The following LRRTM4 variants were observed in gnomAD, a reference collection of about 807,000 sequenced individuals.
The protein encoded by LRRTM4 is leucine rich repeat transmembrane neuronal 4, also known as leucine-rich repeat transmembrane neuronal protein 4.
LRRTM4 carries 25 observed loss-of-function variants against 47.6 expected under a neutral mutation model. The ratio of observed to expected loss-of-function variants is 0.53; its 90% CI spans 0.38 to 0.73. The LOEUF (loss-of-function observed/expected upper bound fraction) is 0.73. Among genes scored for constraint, LRRTM4 ranks in the 30% least tolerant of loss-of-function variants. LRRTM4 has a pLI of 0.00. For missense variants in LRRTM4, 638 were observed against 713.4 expected, an observed-to-expected ratio of 0.89 and a Z score of 1.20; for synonymous variants, 311 against 269.5, an observed-to-expected ratio of 1.15 and a Z score of -1.51.
intron 3 of LRRTM4, among the ~76,000 whole-genome samples, chr2:77,061,320 G>T (rs1407388839): frequency 2.0e-5 from 3 of 151,946 alleles, no homozygotes; most frequent in African/African-American, 7.3e-5. Context: ...TTAAGTCTAG[G>T]GTTTTAAGGC....
intron 3 of LRRTM4, among the ~76,000 whole-genome samples, chr2:76,780,042 C>A (rs1462681917): frequency 3.9e-5 from 6 of 152,246 alleles, no homozygotes; most frequent in Non-Finnish European, 8.8e-5. Flanking sequence ...GCTGGATATG[C>A]AATTCTGGGT....
chr2:76,923,031 C>T (rs1674480611), intron 3 of LRRTM4, among the ~76,000 whole-genome samples: 1 of 152,028 alleles, frequency 6.6e-6, no homozygotes, highest in Admixed American at 6.6e-5. Flanking sequence ...ATGTACTAAG[C>T]ATTATGTCTT....
At chr2:77,275,384 C>T (rs1037143442) in intron 3 of LRRTM4, among the ~76,000 whole-genome samples, 3 of 151,984 alleles carry the variant, frequency 2.0e-5, no homozygotes, top group African/African-American at 7.2e-5. Context: ...TAAATACTTA[C>T]TGAATTATTT....
intron 3 of LRRTM4, among the ~76,000 whole-genome samples, chr2:76,988,172 C>T (rs1471378889): frequency 2.6e-5 from 4 of 151,740 alleles, no homozygotes; most frequent in Non-Finnish European, 4.4e-5. Flanking sequence ...TGCAGCCAAC[C>T]TAATTTCTCC....
chr2:77,202,369 A>G (rs764257406), intron 3 of LRRTM4, among the ~76,000 whole-genome samples: 2 of 152,136 alleles, frequency 1.3e-5, no homozygotes, highest in Non-Finnish European at 2.9e-5. Flanking sequence ...CCAAGTCTGA[A>G]AAAACTCCTA....
chr2:77,374,108 A>C (rs1672745536), intron 3 of LRRTM4, among the ~76,000 whole-genome samples: 1 of 151,772 alleles, frequency 6.6e-6, no homozygotes, highest in African/African-American at 2.4e-5. Flanking sequence ...CTGCTGCATA[A>C]AAATAAAAAA....
intron 3 of LRRTM4, among the ~76,000 whole-genome samples, chr2:76,756,278 T>C (rs1318611725): frequency 6.6e-6 from 1 of 152,186 alleles, no homozygotes; most frequent in Non-Finnish European, 1.5e-5. Flanking sequence ...AATCCATCTA[T>C]GACCTGTAAG....
chr2:76,754,377 A>T (rs893015243), intron 3 of LRRTM4, among the ~76,000 whole-genome samples: 4 of 152,140 alleles, frequency 2.6e-5, no homozygotes, highest in Admixed American at 1.3e-4. Flanking sequence ...TTTAACTTAG[A>T]CAAAAGGGAA....
At chr2:77,017,630 G>T (rs1283461850) in intron 3 of LRRTM4, among the ~76,000 whole-genome samples, 1 of 152,068 alleles carries the variant, frequency 6.6e-6, no homozygotes, top group African/African-American at 2.4e-5. Flanking sequence ...TAGACATGGA[G>T]TACTTAAACC....
At chr2:77,128,065 C>A (rs1671696040) in intron 3 of LRRTM4, among the ~76,000 whole-genome samples, 1 of 151,954 alleles carries the variant, frequency 6.6e-6, no homozygotes. Context: ...ATTGCTTGAA[C>A]CCAGGAGGCA....
chr2:77,399,910 G>T (rs1339042645), intron 3 of LRRTM4, among the ~76,000 whole-genome samples: 2 of 151,894 alleles, frequency 1.3e-5, no homozygotes, highest in Non-Finnish European at 2.9e-5. Flanking sequence ...AGACCATGAA[G>T]TCAGACATCT....
At chr2:77,440,123 C>G (rs1032837972) in intron 3 of LRRTM4, among the ~76,000 whole-genome samples, 1 of 151,826 alleles carries the variant, frequency 6.6e-6, no homozygotes, top group African/African-American at 2.4e-5. Flanking sequence ...GTATTAAAAA[C>G]CGTGTGTGAG....
chr2:76,975,814 C>T (rs1410384151), intron 3 of LRRTM4, among the ~76,000 whole-genome samples: 5 of 151,584 alleles, frequency 3.3e-5, no homozygotes, highest in Non-Finnish European at 5.9e-5. Flanking sequence ...GTGTCTTATA[C>T]TCTCTTATTT....
intron 3 of LRRTM4, among the ~76,000 whole-genome samples, chr2:76,811,903 T>A (rs149053298): frequency 6.6e-6 from 1 of 152,290 alleles, no homozygotes; most frequent in African/African-American, 2.4e-5. Context: ...ATTTCTTTCC[T>A]AGATCTTACT....
intron 3 of LRRTM4, among the ~76,000 whole-genome samples, chr2:76,984,443 A>G (rs1297156605): frequency 6.6e-6 from 1 of 152,024 alleles, no homozygotes; most frequent in East Asian, 1.9e-4. Context: ...TAGTTGTTCT[A>G]CATCCAAAAT....
At chr2:77,216,140 G>T (rs1354185621) in intron 3 of LRRTM4, among the ~76,000 whole-genome samples, 1 of 152,134 alleles carries the variant, frequency 6.6e-6, no homozygotes, top group African/African-American at 2.4e-5. Context: ...GAAAATATTT[G>T]TAAAGCATCA....
chr2:77,330,445 T>C (rs1670931261), intron 3 of LRRTM4, among the ~76,000 whole-genome samples: 1 of 152,170 alleles, frequency 6.6e-6, no homozygotes, highest in Non-Finnish European at 1.5e-5. Context: ...TTGTATTTTG[T>C]TGAGTGGGGA....
At position 77,297,941 on chromosome 2, in the gene LRRTM4, T is replaced by C. The variant is rs115236570; in HGVS notation, c.1551+220377A>G. On this transcript the variant is annotated intron_variant, in intron 3 of 3. Coordinates refer to ENST00000409884, the MANE Select transcript of LRRTM4 (RefSeq NM_001134745.3). ...TTTTGTTTTGTTTTTAAATCTTGCA[T>C]TGTTTCCAAAGAAAATTTATATGAT... is the stretch of plus-strand genomic sequence containing the variant. Among the ~76,000 whole-genome samples the C allele has an allele frequency of 9.7e-3, 1,481 of 152,312 alleles. 21 individuals are homozygous for C. Among genetic ancestry groups the C allele is most frequent in the African/African-American group, 0.034 (1,398 of 41,570 alleles).
chr2:76,914,430 A>G (rs1014792788), intron 3 of LRRTM4, among the ~76,000 whole-genome samples: 2 of 152,068 alleles, frequency 1.3e-5, no homozygotes, highest in African/African-American at 4.8e-5. Context: ...GTTGATTTTC[A>G]CTTCCTGATC....
Sources: gnomAD v4.1 joint callset for allele counts (sites outside exome capture counted in the v4.1 genomes callset) on GRCh38, gnomAD v4.1.1 for gene constraint, MANE v1.5 for transcripts, NCBI Gene and HGNC (gene_info 2026-07-23, HGNC 2026-07-21) for gene names.